GRM7: variants seen among roughly 807,000 people sequenced by gnomAD.
GRM7 encodes the protein metabotropic glutamate receptor 7.
A neutral mutation model predicts 84.5 loss-of-function variants in GRM7; 35 were observed. The observed-to-expected ratio is 0.41, with a 90% confidence interval of 0.32 to 0.55. The LOEUF is 0.55. Ranked by LOEUF, GRM7 falls within the 20% of genes least tolerant of loss-of-function variation. The pLI is 0.19. For missense variants in GRM7, 1,003 were observed against 1,194.6 expected (o/e 0.84, Z 2.36); for synonymous variants, 487 against 455.1 (o/e 1.07, Z -0.89).
chr3:7,103,272 G>A (rs1416273535), intron 1 of GRM7, among the ~76,000 whole-genome samples: 1 of 151,690 alleles, frequency 6.6e-6, no homozygotes, highest in Admixed American at 6.6e-5. Context: ...CTGTCTTTTA[G>A]TCTGAGAGTG....
intron 1 of GRM7, among the ~76,000 whole-genome samples, chr3:7,136,529 T>TTCCAGTGTTGAGGAAAGAAA (rs369510128): frequency 1.6e-3 from 241 of 152,086 alleles, no homozygotes; most frequent in African/African-American, 5.6e-3. Context: ...TTCTCCTACA[T>TTCCAGTGTTGAGGAAAGAAA]TCCCCAAAAA....
chr3:7,518,884 G>T (rs939457671), intron 7 of GRM7, among the ~76,000 whole-genome samples: 4 of 152,178 alleles, frequency 2.6e-5, no homozygotes, highest in Non-Finnish European at 5.9e-5. Flanking sequence ...TAACATTTAA[G>T]ATTTAGCTGG....
At chr3:7,280,976 G>A (rs1385605792) in intron 2 of GRM7, among the ~76,000 whole-genome samples, 1 of 151,994 alleles carries the variant, frequency 6.6e-6, no homozygotes, top group African/African-American at 2.4e-5. Context: ...ACCTTCCATG[G>A]ACACTAAATT....
chr3:7,244,097 T>C (rs1697665482), intron 2 of GRM7, among the ~76,000 whole-genome samples: 1 of 152,108 alleles, frequency 6.6e-6, no homozygotes, highest in Non-Finnish European at 1.5e-5. Context: ...ACTTTATAAA[T>C]ATTGTACACT....
chr3:7,282,969 A>G (rs1699306539), intron 2 of GRM7, among the ~76,000 whole-genome samples: 2 of 152,208 alleles, frequency 1.3e-5, no homozygotes, highest in Admixed American at 6.5e-5. Context: ...CTAAGTTTTT[A>G]TCACTGGGCC....
chr3:7,519,006 G>A (rs1009603483), intron 7 of GRM7, among the ~76,000 whole-genome samples: 1 of 152,134 alleles, frequency 6.6e-6, no homozygotes, highest in Non-Finnish European at 1.5e-5. Flanking sequence ...CACAAGAACT[G>A]TGACAATGAG....
chr3:7,068,510 G>A (rs901154468), intron 1 of GRM7, among the ~76,000 whole-genome samples: 3 of 151,938 alleles, frequency 2.0e-5, no homozygotes, highest in Non-Finnish European at 4.4e-5. Flanking sequence ...ATAAGAACCG[G>A]TTTTGATTTT....
intron 1 of GRM7, among the ~76,000 whole-genome samples, chr3:7,044,903 G>C (rs1190691328): frequency 2.6e-5 from 4 of 152,120 alleles, no homozygotes; most frequent in African/African-American, 9.7e-5. Flanking sequence ...TGCTCAATTT[G>C]CAGGTCATTT....
intron 4 of GRM7, among the ~76,000 whole-genome samples, chr3:7,387,779 T>G (rs918391710): frequency 6.6e-6 from 1 of 152,280 alleles, no homozygotes; most frequent in Admixed American, 6.5e-5. Flanking sequence ...GGCTCTTTTT[T>G]GGTTTTATAT....
chr3:7,042,189 A>C, intron 1 of GRM7, among the ~76,000 whole-genome samples: 1 of 151,444 alleles, frequency 6.6e-6, no homozygotes. Context: ...TTGTAGGGGG[A>C]GGTTGTGGGA....
At chr3:7,175,675 C>A (rs1349002427) in intron 2 of GRM7, among the ~76,000 whole-genome samples, 1 of 151,988 alleles carries the variant, frequency 6.6e-6, no homozygotes. Context: ...GTAGCTGGGA[C>A]TACAGGCAGG....
intron 2 of GRM7, among the ~76,000 whole-genome samples, chr3:7,261,990 T>C (rs1471127003): frequency 6.6e-6 from 1 of 150,694 alleles, no homozygotes; most frequent in South Asian, 2.1e-4. Flanking sequence ...TTCCTGAATA[T>C]AGGCCCCCAA....
At chr3:7,350,832 A>G (rs1693108940) in intron 4 of GRM7, among the ~76,000 whole-genome samples, 1 of 152,094 alleles carries the variant, frequency 6.6e-6, no homozygotes, top group Non-Finnish European at 1.5e-5. Context: ...ACGTCCTGTC[A>G]CATGGACAGT....
intron 8 of GRM7, among the ~76,000 whole-genome samples, chr3:7,634,793 CA>C (rs59904264): frequency 1.4e-3 from 195 of 137,544 alleles, no homozygotes; most frequent in African/African-American, 2.8e-3. Flanking sequence ...GACTCTGTCT[CA>C]AAAAAAAAAA....
intron 2 of GRM7, among the ~76,000 whole-genome samples, chr3:7,252,191 T>A (rs747013247): frequency 6.6e-5 from 10 of 152,196 alleles, no homozygotes; most frequent in Non-Finnish European, 1.3e-4. Flanking sequence ...CAGAATTTGT[T>A]ACCGAGAGGC....
intron 2 of GRM7, among the ~76,000 whole-genome samples, chr3:7,203,561 G>A (rs750728889): frequency 6.6e-5 from 10 of 152,154 alleles, no homozygotes; most frequent in Non-Finnish European, 1.3e-4. Flanking sequence ...ACATGTGAGT[G>A]TGGGCATCAT....
intron 2 of GRM7, among the ~76,000 whole-genome samples, chr3:7,257,366 A>G (rs1575089396): frequency 6.6e-6 from 1 of 152,206 alleles, no homozygotes; most frequent in South Asian, 2.1e-4. Context: ...TTATTTTAAT[A>G]AAAAGCAATT....
At chr3:7,021,571 T>A (rs1309552354) in intron 1 of GRM7, among the ~76,000 whole-genome samples, 1 of 152,184 alleles carries the variant, frequency 6.6e-6, no homozygotes, top group East Asian at 1.9e-4. Flanking sequence ...AAAGAACATT[T>A]CTGATGAATG....
intron 2 of GRM7, among the ~76,000 whole-genome samples, chr3:7,187,541 T>C (rs1010355375): frequency 6.6e-6 from 1 of 152,160 alleles, no homozygotes; most frequent in Non-Finnish European, 1.5e-5. Context: ...AGAAAACATC[T>C]TTATTGAAGC....
Sources: allele counts gnomAD v4.1 joint callset (sites outside exome capture counted in the v4.1 genomes callset), GRCh38; gene constraint gnomAD v4.1.1; transcripts MANE v1.5; gene names NCBI Gene and HGNC (gene_info 2026-07-23, HGNC 2026-07-21).